The following NAALADL2 variants were observed in gnomAD, a reference collection of about 807,000 sequenced individuals.
The protein encoded by NAALADL2 is N-acetylated alpha-linked acidic dipeptidase like 2, also known as inactive N-acetylated-alpha-linked acidic dipeptidase-like protein 2.
A neutral mutation model predicts 87.2 loss-of-function variants in NAALADL2; 76 were observed. The ratio of observed to expected loss-of-function variants is 0.87; its 90% CI spans 0.72 to 1.05. NAALADL2 has a LOEUF of 1.05. Among genes scored for constraint, NAALADL2 ranks in the 50% least tolerant of loss-of-function variants. The probability of loss-of-function intolerance (pLI) is 0.00; values close to 1 mark genes in which losing one functional copy is unlikely to be tolerated. For missense variants in NAALADL2, 1,089 were observed against 945.8 expected, an observed-to-expected ratio of 1.15 and a Z score of -1.99; for synonymous variants, 354 against 331.0, an observed-to-expected ratio of 1.07 and a Z score of -0.75.
intron 1 of NAALADL2, among the ~76,000 whole-genome samples, chr3:174,498,957 C>T (rs1718718198): frequency 6.6e-6 from 1 of 151,840 alleles, no homozygotes; most frequent in African/African-American, 2.4e-5. Context: ...TAGGGTAAGT[C>T]CAGAACAGTA....
At chr3:175,026,366 G>A (rs1224346285) in intron 1 of NAALADL2, among the ~76,000 whole-genome samples, 1 of 151,630 alleles carries the variant, frequency 6.6e-6, no homozygotes. Flanking sequence ...AAAAGTTCAG[G>A]CTGGGCATGG....
chr3:175,795,240 T>C (rs1014002840), intron 13 of NAALADL2, among the ~76,000 whole-genome samples: 4 of 152,244 alleles, frequency 2.6e-5, no homozygotes, highest in African/African-American at 9.6e-5. Context: ...TCTGTCACTC[T>C]GTGAACAGAT....
At chr3:175,491,741 A>G (rs1194253761) in intron 9 of NAALADL2, among the ~76,000 whole-genome samples, 2 of 152,172 alleles carry the variant, frequency 1.3e-5, no homozygotes, top group Non-Finnish European at 2.9e-5. Flanking sequence ...CATGAGGATT[A>G]CCTGAGAGGC....
At chr3:174,794,652 G>A (rs1370881757) in intron 3 of NAALADL2, among the ~76,000 whole-genome samples, 1 of 152,090 alleles carries the variant, frequency 6.6e-6, no homozygotes, top group East Asian at 1.9e-4. Flanking sequence ...CCCATGTGGA[G>A]CATACTATCT....
chr3:175,509,002 G>A (rs1560676193), intron 9 of NAALADL2, among the ~76,000 whole-genome samples: 1 of 151,904 alleles, frequency 6.6e-6, no homozygotes, highest in Non-Finnish European at 1.5e-5. Flanking sequence ...TGTAATCCCA[G>A]CTACTCAGGA....
At chr3:174,444,148 A>T (rs1024019030) in intron 1 of NAALADL2, among the ~76,000 whole-genome samples, 2 of 152,162 alleles carry the variant, frequency 1.3e-5, no homozygotes, top group Non-Finnish European at 2.9e-5. Flanking sequence ...TTGATGATGC[A>T]GGAGACAGAG....
At chr3:175,340,795 A>G (rs1247664224) in intron 5 of NAALADL2, among the ~76,000 whole-genome samples, 1 of 152,154 alleles carries the variant, frequency 6.6e-6, no homozygotes, top group Non-Finnish European at 1.5e-5. Flanking sequence ...AGCATTTCTC[A>G]AATGACCATA....
In NAALADL2 at chr3:175,807,298, T is replaced by C. The variant is rs1754797984; in HGVS notation, c.*4095T>C. The C allele has an allele frequency of 6.6e-6, 1 of 151,924 alleles. No homozygotes were observed. Among genetic ancestry groups the C allele is most frequent in the Non-Finnish European group, 1.5e-5 (1 of 67,910 alleles). 9.4% of individuals were successfully genotyped at this position (151,924 alleles called of 1,614,324 possible). A position where few individuals can be genotyped will look rare whatever the true frequency, so the allele number is the denominator to read the frequency against. ...ATAAACGTAGAGCATATAGTAAGTT[T>C]CCCCACAGGAAAGACAGATGTTAAC... On this transcript the variant is annotated 3_prime_UTR_variant, in exon 14 of 14. Coordinates refer to ENST00000454872, the MANE Select transcript of NAALADL2 (RefSeq NM_207015.3).
At position 175,626,048 on chromosome 3, in the gene NAALADL2, A is replaced by G. The variant is rs112680250; in HGVS notation, c.1801-1243A>G. On this transcript the variant is annotated intron_variant, in intron 10 of 13. Coordinates refer to ENST00000454872, the MANE Select transcript of NAALADL2 (RefSeq NM_207015.3). ...TCATTTTGGTGTGGTTGTGAGTTGAAGTTTGGTTAACTCACTCTAGCCTAG... is the reference window on the plus strand; with the variant it reads ...TCATTTTGGTGTGGTTGTGAGTTGAGGTTTGGTTAACTCACTCTAGCCTAG... 5.9e-4 allele frequency among the ~76,000 whole-genome samples: 90 copies of G among 152,068 alleles called. 1 individual carries two copies. Among genetic ancestry groups the G allele is most frequent in the African/African-American group, 2.1e-3 (86 of 41,516 alleles).
In NAALADL2 at chr3:175,538,331, T is replaced by G. The variant is rs1298281175; in HGVS notation, c.1654-37710T>G. On this transcript the variant is annotated intron_variant, in intron 9 of 13. Coordinates refer to ENST00000454872, the MANE Select transcript of NAALADL2 (RefSeq NM_207015.3). ...TTTTAAGAAAACCTAAAACAGGGTA[T>G]AAAATATTAACATTTTTTCCTCCTT... Among the ~76,000 whole-genome samples, 7 of 151,932 alleles carry G rather than the reference T, an allele frequency of 4.6e-5. No homozygotes were observed. The South Asian group carries it at 1.2e-3, about 27-fold the overall frequency.
chr3:175,315,671 A>G (rs1759048227), intron 4 of NAALADL2, among the ~76,000 whole-genome samples: 1 of 152,204 alleles, frequency 6.6e-6, no homozygotes. Context: ...AGTTTTGAAA[A>G]ATAAAATTAG....
At chr3:175,234,342 A>C in intron 3 of NAALADL2, 138 bp downstream of exon 3, 1 of 909,748 alleles carries the variant, frequency 1.1e-6, no homozygotes, top group East Asian at 2.6e-5. Context: ...AGTGCCAGGA[A>C]AGAGAAGGAA....
At chr3:175,121,828 T>G (rs1410654378) in intron 2 of NAALADL2, among the ~76,000 whole-genome samples, 6 of 151,736 alleles carry the variant, frequency 4.0e-5, no homozygotes, top group Non-Finnish European at 7.4e-5. Flanking sequence ...TAAAATGCAT[T>G]TTTTTCCTTT....
At chr3:174,839,006 A>C (rs1364828635) in intron 3 of NAALADL2, among the ~76,000 whole-genome samples, 1 of 152,184 alleles carries the variant, frequency 6.6e-6, no homozygotes, top group Non-Finnish European at 1.5e-5. Context: ...CCCAAAGTTC[A>C]TAAGGAACCA....
At position 175,234,074 on chromosome 3, in the gene NAALADL2, C is replaced by T. The variant is rs942981760; in HGVS notation, c.689C>T (p.Thr230Ile). The change falls in exon 3 of 14, where the codon ACT (threonine) becomes ATT (isoleucine). Residue 230 changes from threonine (T) to isoleucine (I), a missense_variant. Thr to Ile is a moderately conservative substitution (Grantham distance 89, BLOSUM62 -1). Coordinates refer to ENST00000454872, the MANE Select transcript of NAALADL2 (RefSeq NM_207015.3). ...LLDLPGPSPS[T>I]VTLSSSGQCF... ...GATCTGCCAGGCCCTTCTCCCAGCA[C>T]TGTGACTCTGAGCAGCAGTGGTCAA... 1 of 1,613,940 alleles carries T rather than the reference C, an allele frequency of 6.2e-7. No individual in the cohort carries two copies. The highest frequency in any genetic ancestry group is 8.5e-7 in the Non-Finnish European group (1 of 1,179,858).
chr3:175,789,389 A>C (rs1196666056), intron 13 of NAALADL2, among the ~76,000 whole-genome samples: 1 of 152,188 alleles, frequency 6.6e-6, no homozygotes, highest in Non-Finnish European at 1.5e-5. Context: ...AAATTCTATC[A>C]TCTAACCATC....
rs7640414 is a variant in NAALADL2, at chr3:174,878,912, G to A, written c.43+19462G>A. 9.8e-3 allele frequency among the ~76,000 whole-genome samples: 1,495 copies of A among 152,118 alleles called. 25 individuals carry two copies. Among genetic ancestry groups the A allele is most frequent in the African/African-American group, 0.035 (1,453 of 41,532 alleles). On this transcript the variant is annotated intron_variant, in intron 1 of 13. Coordinates refer to ENST00000454872, the MANE Select transcript of NAALADL2 (RefSeq NM_207015.3). ...GAAGAAGAGGACCCAATATGCCGACGCCATGCAGGCCTTTATTGGCCTTGA... is the reference window on the plus strand; with the variant it reads ...GAAGAAGAGGACCCAATATGCCGACACCATGCAGGCCTTTATTGGCCTTGA...
intron 1 of NAALADL2, among the ~76,000 whole-genome samples, chr3:174,963,571 C>T (rs1041146598): frequency 2.0e-5 from 3 of 152,092 alleles, no homozygotes; most frequent in Non-Finnish European, 4.4e-5. Context: ...TCATCTTCAT[C>T]CCCATGTACA....
intron 2 of NAALADL2, among the ~76,000 whole-genome samples, chr3:174,620,297 A>T (rs9875462): frequency 0.43 from 65,159 of 151,910 alleles, 14,841 homozygotes; most frequent in East Asian, 0.81. Context: ...AACCATAAAT[A>T]TCAAAATGGG....
Sources: gnomAD v4.1 joint callset for allele counts (sites outside exome capture counted in the v4.1 genomes callset) on GRCh38, gnomAD v4.1.1 for gene constraint, MANE v1.5 for transcripts, NCBI Gene and HGNC (gene_info 2026-07-23, HGNC 2026-07-21) for gene names.